AGMO: variants seen among roughly 807,000 people sequenced by gnomAD.
The protein encoded by AGMO is glyceryl-ether monooxygenase.
A neutral mutation model predicts 60.2 loss-of-function variants in AGMO; 75 were observed. That is an observed-to-expected ratio of 1.25 (90% CI 1.03 to 1.51). The LOEUF is 1.51. Among genes scored for constraint, AGMO ranks in the 40% most tolerant of loss-of-function variants. The pLI, the probability that AGMO is intolerant of heterozygous loss-of-function variation, is 0.00. For missense variants in AGMO, 763 were observed against 525.5 expected (o/e 1.45, Z -4.42); for synonymous variants, 261 against 177.1 (o/e 1.47, Z -3.76).
intron 12 of AGMO, among the ~76,000 whole-genome samples, chr7:15,225,066 T>C (rs910171907): frequency 2.6e-5 from 4 of 151,992 alleles, no homozygotes; most frequent in Non-Finnish European, 5.9e-5. Flanking sequence ...TTCAGTCTTT[T>C]TTTTCTTTTT....
intron 3 of AGMO, among the ~76,000 whole-genome samples, chr7:15,517,289 G>A (rs1186388449): frequency 1.3e-5 from 2 of 151,596 alleles, no homozygotes; most frequent in Non-Finnish European, 2.9e-5. Context: ...AGAATAGTGT[G>A]ATTAAAAAAT....
chr7:15,125,561 T>C, the AGMO span, among the ~76,000 whole-genome samples: 1 of 152,126 alleles, frequency 6.6e-6, no homozygotes, highest in Non-Finnish European at 1.5e-5. Context: ...CAATCCTCTC[T>C]ATTTTTTTAA....
intron 12 of AGMO, among the ~76,000 whole-genome samples, chr7:15,236,237 T>TA (rs1264447588): frequency 6.6e-6 from 1 of 152,138 alleles, no homozygotes; most frequent in Non-Finnish European, 1.5e-5. Flanking sequence ...GGTGGTTGAA[T>TA]AATACTCTGT....
intron 12 of AGMO, among the ~76,000 whole-genome samples, chr7:15,326,880 T>C (rs1277384817): frequency 6.6e-6 from 1 of 152,204 alleles, no homozygotes; most frequent in Non-Finnish European, 1.5e-5. Flanking sequence ...CCAGAAATTA[T>C]CTTGGAAAAG....
chr7:15,279,220 T>C (rs1783890615), intron 12 of AGMO, among the ~76,000 whole-genome samples: 1 of 151,996 alleles, frequency 6.6e-6, no homozygotes, highest in Non-Finnish European at 1.5e-5. Context: ...TGGGGTTCTC[T>C]CACTCATCCC....
intron 12 of AGMO, among the ~76,000 whole-genome samples, chr7:15,326,185 G>A (rs1190552020): frequency 1.3e-5 from 2 of 152,018 alleles, no homozygotes; most frequent in African/African-American, 2.4e-5. Flanking sequence ...TAAAGGGGGG[G>A]TTAAGGAAAA....
intron 5 of AGMO, 65 bp from the exon 6 acceptor site, chr7:15,394,244 G>T: frequency 8.6e-7 from 1 of 1,168,382 alleles, no homozygotes; most frequent in Non-Finnish European, 1.3e-6. Context: ...GTATATAAAT[G>T]CTCACATTAG....
chr7:15,213,736 T>G (rs1449475899), intron 12 of AGMO, among the ~76,000 whole-genome samples: 1 of 151,912 alleles, frequency 6.6e-6, no homozygotes, highest in Admixed American at 6.6e-5. Context: ...TTCCCAAAAT[T>G]TTACAAAGTT....
the AGMO span, among the ~76,000 whole-genome samples, chr7:15,176,736 T>C: frequency 2.6e-5 from 4 of 152,080 alleles, no homozygotes; most frequent in African/African-American, 7.2e-5. Context: ...TACAGACTTA[T>C]TAGCTATAGT....
intron 4 of AGMO, among the ~76,000 whole-genome samples, chr7:15,426,475 G>A (rs931125627): frequency 4.6e-5 from 7 of 152,216 alleles, no homozygotes; most frequent in South Asian, 2.1e-4. Context: ...TTCCCCAGGC[G>A]CGGTGGCTCA....
At chr7:15,313,193 G>A (rs1780818805) in intron 12 of AGMO, among the ~76,000 whole-genome samples, 1 of 152,066 alleles carries the variant, frequency 6.6e-6, no homozygotes, top group Non-Finnish European at 1.5e-5. Context: ...AACAATAAAG[G>A]CATGTTTCTC....
At chr7:15,350,673 G>C (rs1277956105) in intron 12 of AGMO, among the ~76,000 whole-genome samples, 7 of 152,178 alleles carry the variant, frequency 4.6e-5, no homozygotes, top group Non-Finnish European at 7.3e-5. Context: ...TTTAGGGAAA[G>C]CTGGCATGAG....
At chr7:15,221,234 G>C (rs968573881) in intron 12 of AGMO, among the ~76,000 whole-genome samples, 1 of 152,114 alleles carries the variant, frequency 6.6e-6, no homozygotes. Context: ...TGACTTCCAT[G>C]AATCTATTCC....
chr7:15,393,262 G>C (rs1186873136), intron 6 of AGMO, among the ~76,000 whole-genome samples: 1 of 152,320 alleles, frequency 6.6e-6, no homozygotes, highest in East Asian at 1.9e-4. Flanking sequence ...TCTTGGAAAG[G>C]CAGGGCTTCA....
At chr7:15,247,936 A>C (rs1266571405) in intron 12 of AGMO, among the ~76,000 whole-genome samples, 1 of 151,678 alleles carries the variant, frequency 6.6e-6, no homozygotes, top group Non-Finnish European at 1.5e-5. Flanking sequence ...TATTAGTCAG[A>C]GAATGTATTG....
chr7:15,454,357 C>CCACACACA lies in AGMO; in HGVS notation c.410-23257_410-23250dup, dbSNP rs71004380. ...AAAGAACAGATCTTAAGTGTTCTCA[C>CCACACACA]CACACACACACACACACACACAAAC... On this transcript the variant is annotated intron_variant, in intron 3 of 12. Coordinates refer to ENST00000342526, the MANE Select transcript of AGMO (RefSeq NM_001004320.2). Among the ~76,000 whole-genome samples, 996 of 149,226 alleles carry CCACACACA rather than the reference C, an allele frequency of 6.7e-3. 6 individuals are homozygous for CCACACACA. Among genetic ancestry groups the CCACACACA allele is most frequent in the African/African-American group, 0.023 (924 of 40,660 alleles).
At chr7:15,342,067 C>T (rs1583429311) in intron 12 of AGMO, among the ~76,000 whole-genome samples, 1 of 149,954 alleles carries the variant, frequency 6.7e-6, no homozygotes, top group East Asian at 2.0e-4. Context: ...TTTAAGTCTT[C>T]TGCCTAGGTC....
chr7:15,531,580 A>C (rs1784361361), intron 3 of AGMO, among the ~76,000 whole-genome samples: 1 of 118,518 alleles, frequency 8.4e-6, no homozygotes, highest in African/African-American at 3.3e-5. Flanking sequence ...TTCCATATAT[A>C]TATTCTATAT....
the AGMO span, among the ~76,000 whole-genome samples, chr7:15,179,140 T>C: frequency 5.7e-4 from 87 of 152,260 alleles, no homozygotes; most frequent in Non-Finnish European, 1.1e-3. Context: ...CCGAAACTCA[T>C]GTCCTTCTCA....
Sources: allele counts gnomAD v4.1 joint callset (sites outside exome capture counted in the v4.1 genomes callset), GRCh38; gene constraint gnomAD v4.1.1; transcripts MANE v1.5; gene names NCBI Gene and HGNC (gene_info 2026-07-23, HGNC 2026-07-21).